RAPGEF4: variants seen among roughly 807,000 people sequenced by gnomAD.
The protein encoded by RAPGEF4 is RAP guanine-nucleotide-exchange factor (GEF) 4.
In RAPGEF4, 66 loss-of-function variants were observed where a neutral mutation model predicts 147.9. The observed-to-expected ratio is 0.45, with a 90% CI of 0.37 to 0.55. The LOEUF (loss-of-function observed/expected upper bound fraction) is 0.55. Ranked by LOEUF, RAPGEF4 falls within the 20% of genes least tolerant of loss-of-function variation. The probability of loss-of-function intolerance (pLI) is 0.00; values close to 1 mark genes in which losing one functional copy is unlikely to be tolerated. For synonymous variants in RAPGEF4, 419 were observed against 442.7 expected (o/e 0.95, Z 0.67); for missense variants, 1,071 against 1,257.3 (o/e 0.85, Z 2.24).
intron 4 of RAPGEF4, among the ~76,000 whole-genome samples, chr2:172,837,994 T>C (rs1406440885): frequency 6.6e-6 from 1 of 152,180 alleles, no homozygotes; most frequent in Non-Finnish European, 1.5e-5. Context: ...AAGTGCCTAC[T>C]GTGTTGGTCA....
chr2:172,874,202 A>T (rs1358026580), intron 4 of RAPGEF4, among the ~76,000 whole-genome samples: 1 of 152,236 alleles, frequency 6.6e-6, no homozygotes, highest in African/African-American at 2.4e-5. Context: ...TACTGGGTAG[A>T]TACCCAAAGG....
At chr2:173,012,778 A>G (rs1695146733) in intron 17 of RAPGEF4, among the ~76,000 whole-genome samples, 1 of 152,158 alleles carries the variant, frequency 6.6e-6, no homozygotes, top group Non-Finnish European at 1.5e-5. Flanking sequence ...TCTCGGGTGA[A>G]CCAGTACATA....
At chr2:172,784,346 A>G (rs1258907380) in intron 1 of RAPGEF4, among the ~76,000 whole-genome samples, 1 of 152,110 alleles carries the variant, frequency 6.6e-6, no homozygotes, top group East Asian at 1.9e-4. Flanking sequence ...TTGAAACCCC[A>G]TCTCCACTAA....
At chr2:172,905,675 A>AAAGTTGT (rs1427796378) in intron 4 of RAPGEF4, among the ~76,000 whole-genome samples, 1 of 152,230 alleles carries the variant, frequency 6.6e-6, no homozygotes, top group Non-Finnish European at 1.5e-5. Context: ...TACTAGAGCT[A>AAAGTTGT]AAGTTGTGAT....
At chr2:172,861,584 AT>A (rs1474026411) in intron 4 of RAPGEF4, among the ~76,000 whole-genome samples, 7 of 152,244 alleles carry the variant, frequency 4.6e-5, no homozygotes, top group Non-Finnish European at 7.3e-5. Context: ...TTAGGAAAGA[AT>A]AAACCTTGAC....
At chr2:172,768,995 G>A (rs1196361222) in intron 1 of RAPGEF4, among the ~76,000 whole-genome samples, 1 of 152,228 alleles carries the variant, frequency 6.6e-6, no homozygotes, top group Admixed American at 6.5e-5. Flanking sequence ...ACATGGTGGT[G>A]TGGGGCAAGG....
In RAPGEF4 at chr2:173,020,720, G is replaced by C; in HGVS notation, c.2253+5G>C. 1 of 1,610,640 alleles carries C rather than the reference G, an allele frequency of 6.2e-7. No homozygotes were observed. The highest frequency in any genetic ancestry group is 8.5e-7 in the Non-Finnish European group (1 of 1,177,162). On this transcript the variant is annotated splice_donor_5th_base_variant and intron_variant, in intron 23 of 30. Transcript: ENST00000397081. ...CGAGAGCAATTCGATTCACTGGTAG[G>C]TGTGGATGGCCTGCTCAGAGCAGCA...
chr2:172,957,270 G>A (rs1263592836), intron 6 of RAPGEF4, among the ~76,000 whole-genome samples: 2 of 152,170 alleles, frequency 1.3e-5, no homozygotes, highest in Admixed American at 6.5e-5. Context: ...TCCTTCTCCT[G>A]TTTAACCTAA....
intron 4 of RAPGEF4, among the ~76,000 whole-genome samples, chr2:172,897,735 T>TTTTATTTTA (rs1186783823): frequency 6.8e-6 from 1 of 147,644 alleles, no homozygotes; most frequent in Non-Finnish European, 1.5e-5. Flanking sequence ...TTTTCATCTA[T>TTTTATTTTA]TTTATTTTAT....
intron 14 of RAPGEF4, among the ~76,000 whole-genome samples, chr2:172,989,655 G>C (rs1430591536): frequency 2.6e-5 from 4 of 152,152 alleles, no homozygotes; most frequent in Non-Finnish European, 5.9e-5. Flanking sequence ...GACTTTTAGG[G>C]ATGGTGACGA....
chr2:173,004,629 G>T (rs1184119382), intron 17 of RAPGEF4, among the ~76,000 whole-genome samples: 6 of 151,444 alleles, frequency 4.0e-5, no homozygotes, highest in African/African-American at 1.5e-4. Flanking sequence ...ATTTTTCTAT[G>T]CCATTTTTCT....
intron 28 of RAPGEF4, among the ~76,000 whole-genome samples, 170 bp downstream of exon 28, chr2:173,036,382 C>T (rs541879804): frequency 3.3e-4 from 51 of 152,288 alleles, no homozygotes; most frequent in Non-Finnish European, 5.6e-4. Flanking sequence ...AGAAAGATGA[C>T]TGGAGGAGCA....
At chr2:173,014,735 T>C (rs1233609605) in intron 18 of RAPGEF4, 121 bp downstream of exon 18, 2 of 960,122 alleles carry the variant, frequency 2.1e-6, no homozygotes, top group Non-Finnish European at 2.9e-6. Context: ...TGTGAACACA[T>C]TCATTCATCA....
chr2:172,764,963 T>A (rs1696689037), intron 1 of RAPGEF4, among the ~76,000 whole-genome samples: 1 of 152,184 alleles, frequency 6.6e-6, no homozygotes, highest in African/African-American at 2.4e-5. Flanking sequence ...ACAAACTGGG[T>A]GGCTTAAAGA....
chr2:172,831,376 C>A (rs1031755922), intron 4 of RAPGEF4, among the ~76,000 whole-genome samples: 2 of 144,150 alleles, frequency 1.4e-5, no homozygotes, highest in Non-Finnish European at 3.0e-5. Flanking sequence ...TCAAGCAATT[C>A]TCCCGCCTCA....
chr2:173,018,592 A>G (rs1695722855), intron 21 of RAPGEF4, 64 bp from the exon 22 acceptor site: 4 of 1,519,052 alleles, frequency 2.6e-6, no homozygotes, highest in Non-Finnish European at 3.6e-6. Flanking sequence ...AACATTTTTC[A>G]TAACTATAGT....
intron 4 of RAPGEF4, among the ~76,000 whole-genome samples, chr2:172,856,571 G>A (rs1292979330): frequency 6.6e-6 from 1 of 152,124 alleles, no homozygotes; most frequent in African/African-American, 2.4e-5. Context: ...TTGATTTTCT[G>A]TTTTTGTAGG....
chr2:172,748,326 G>T (rs1001304677), intron 1 of RAPGEF4, among the ~76,000 whole-genome samples: 5 of 152,118 alleles, frequency 3.3e-5, no homozygotes, highest in Non-Finnish European at 7.3e-5. Flanking sequence ...CCTGAGATGG[G>T]GTAATTTATG....
chr2:173,024,513 G>A (rs978116606), intron 23 of RAPGEF4, among the ~76,000 whole-genome samples: 8 of 152,310 alleles, frequency 5.3e-5, no homozygotes, highest in East Asian at 1.9e-4. Context: ...CACCGCGCCC[G>A]GCCTGCTGCA....
Sources: allele counts gnomAD v4.1 joint callset (sites outside exome capture counted in the v4.1 genomes callset), GRCh38; gene constraint gnomAD v4.1.1; transcripts MANE v1.5; gene names NCBI Gene and HGNC (gene_info 2026-07-23, HGNC 2026-07-21).